NEGR1: variants seen among roughly 807,000 people sequenced by gnomAD.
NEGR1 encodes the protein IgLON family member 4.
Under a neutral mutation model 40.9 loss-of-function variants are expected in NEGR1, and 10 were observed. The observed-to-expected ratio is 0.24, with a 90% CI of 0.15 to 0.42. NEGR1 has a LOEUF of 0.42. Ranked by LOEUF, NEGR1 falls within the 10% of genes least tolerant of loss-of-function variation. The pLI, the probability that NEGR1 is intolerant of heterozygous loss-of-function variation, is 1.00. For missense variants in NEGR1, 352 were observed against 438.9 expected, an observed-to-expected ratio of 0.80 and a Z score of 1.77; for synonymous variants, 185 against 166.8, an observed-to-expected ratio of 1.11 and a Z score of -0.84.
chr1:72,109,189 A>G (rs191220410), intron 1 of NEGR1, among the ~76,000 whole-genome samples: 1 of 151,856 alleles, frequency 6.6e-6, no homozygotes, highest in Admixed American at 6.6e-5. Flanking sequence ...ATAGAAAAGT[A>G]GAGGTGATAT....
intron 1 of NEGR1, among the ~76,000 whole-genome samples, chr1:72,230,757 C>T (rs1006045933): frequency 7.2e-5 from 11 of 152,152 alleles, no homozygotes; most frequent in Non-Finnish European, 2.9e-5. Flanking sequence ...CCATGTCCAA[C>T]ATCCTGTCAA....
chr1:71,811,166 C>T (rs907199674), intron 2 of NEGR1, among the ~76,000 whole-genome samples: 2 of 152,042 alleles, frequency 1.3e-5, no homozygotes, highest in African/African-American at 4.8e-5. Context: ...CTCCTAAATC[C>T]TTCGGGGAAC....
chr1:71,862,123 C>G (rs1484699065), intron 2 of NEGR1, among the ~76,000 whole-genome samples: 1 of 152,028 alleles, frequency 6.6e-6, no homozygotes, highest in East Asian at 1.9e-4. Context: ...GAATAGTAAT[C>G]ATCTTTCTGA....
At chr1:71,711,341 C>CAAAAAAAAA (rs59376519) in intron 3 of NEGR1, among the ~76,000 whole-genome samples, 20 of 58,676 alleles carry the variant, frequency 3.4e-4, no homozygotes, top group East Asian at 9.3e-4. Context: ...GAGATTCCAC[C>CAAAAAAAAA]AAAAAAAAAA....
intron 1 of NEGR1, among the ~76,000 whole-genome samples, chr1:71,943,450 T>G (rs755347119): frequency 6.6e-6 from 1 of 151,834 alleles, no homozygotes; most frequent in Non-Finnish European, 1.5e-5. Flanking sequence ...TTTTAACTCA[T>G]AATTAAACTG....
At chr1:72,168,401 C>A (rs1429518267) in intron 1 of NEGR1, among the ~76,000 whole-genome samples, 1 of 151,674 alleles carries the variant, frequency 6.6e-6, no homozygotes, top group African/African-American at 2.4e-5. Flanking sequence ...TCTTCCTATT[C>A]CTCTTTTGCC....
chr1:72,007,039 C>A (rs914832627), intron 1 of NEGR1, among the ~76,000 whole-genome samples: 1 of 152,040 alleles, frequency 6.6e-6, no homozygotes, highest in South Asian at 2.1e-4. Flanking sequence ...CCATTCCTTC[C>A]AAAAGTCAAA....
chr1:71,874,015 G>A (rs570999432), intron 2 of NEGR1, among the ~76,000 whole-genome samples: 5 of 152,204 alleles, frequency 3.3e-5, no homozygotes, highest in African/African-American at 7.2e-5. Flanking sequence ...AGAGTGCTTC[G>A]ATTTGCTATT....
chr1:71,730,048 G>A (rs1021255158), intron 3 of NEGR1, among the ~76,000 whole-genome samples: 3 of 151,924 alleles, frequency 2.0e-5, no homozygotes, highest in Admixed American at 1.3e-4. Context: ...ATTGAAATAG[G>A]GGATCAGAAA....
chr1:71,696,509 G>C (rs958217272), intron 4 of NEGR1, among the ~76,000 whole-genome samples: 1 of 151,644 alleles, frequency 6.6e-6, no homozygotes, highest in Admixed American at 6.6e-5. Flanking sequence ...AGTGCTCACT[G>C]CTAAAAATAT....
rs199666300 is a variant in NEGR1, at chr1:71,737,346, C to CT, written c.535+38825dup. 5.0e-3 allele frequency among the ~76,000 whole-genome samples: 693 copies of CT among 138,300 alleles called. 3 individuals are homozygous for CT. Among genetic ancestry groups the CT allele is most frequent in the African/African-American group, 8.9e-3 (339 of 38,046 alleles). The allele number at this position is 138,300 out of a possible 152,430, so 90.7% of individuals were successfully genotyped here. A position where few individuals can be genotyped will look rare whatever the true frequency, so the allele number is the denominator to read the frequency against. ...CGTTGGACAGAGGTGAGAAAACAGC[C>CT]TTTTTTTTTTTTTTTCCTTGGGAGG... On this transcript the variant is annotated intron_variant, in intron 3 of 6. Transcript: ENST00000357731.
intron 1 of NEGR1, among the ~76,000 whole-genome samples, chr1:72,144,857 T>A (rs917209630): frequency 3.9e-5 from 6 of 152,092 alleles, no homozygotes; most frequent in African/African-American, 1.4e-4. Context: ...TCTGATTTCC[T>A]TGCAATATCT....
At chr1:71,410,106 T>A (rs1319610692) in intron 6 of NEGR1, among the ~76,000 whole-genome samples, 1 of 152,122 alleles carries the variant, frequency 6.6e-6, no homozygotes, top group East Asian at 1.9e-4. Flanking sequence ...TACTTTACAA[T>A]TAAAATAGCA....
At position 71,760,244 on chromosome 1, in the gene NEGR1, A is replaced by C. The variant is rs922249568; in HGVS notation, c.535+15928T>G. Among the ~76,000 whole-genome samples, 13 of 152,030 alleles carry C rather than the reference A, an allele frequency of 8.6e-5. 1 individual carries two copies. The highest frequency in any genetic ancestry group is 7.2e-4 in the Admixed American group (11 of 15,266). ...ACCTTCCTCGAAGTATTGTGGATTT[A>C]TTTTTATAGTGATTCATCATATCAA... On this transcript the variant is annotated intron_variant, in intron 3 of 6. Transcript: ENST00000357731.
chr1:71,695,762 T>C (rs999673390), intron 4 of NEGR1, among the ~76,000 whole-genome samples: 5 of 151,834 alleles, frequency 3.3e-5, no homozygotes, highest in African/African-American at 1.2e-4. Context: ...TGTTCCTATC[T>C]TTTCAGTCTT....
At chr1:71,508,831 G>A (rs934742980) in intron 6 of NEGR1, among the ~76,000 whole-genome samples, 1 of 152,162 alleles carries the variant, frequency 6.6e-6, no homozygotes, top group Non-Finnish European at 1.5e-5. Flanking sequence ...TTAGAATGCA[G>A]TCCTATACTT....
intron 2 of NEGR1, among the ~76,000 whole-genome samples, chr1:71,865,769 T>C (rs1386364626): frequency 1.3e-5 from 2 of 152,182 alleles, no homozygotes; most frequent in Non-Finnish European, 2.9e-5. Flanking sequence ...TAGAATGCCA[T>C]TGCATTCTAT....
At chr1:71,723,760 T>A (rs892474422) in intron 3 of NEGR1, among the ~76,000 whole-genome samples, 1 of 152,114 alleles carries the variant, frequency 6.6e-6, no homozygotes, top group African/African-American at 2.4e-5. Flanking sequence ...GAGGGGGAAG[T>A]GGGAATCCCC....
intron 2 of NEGR1, among the ~76,000 whole-genome samples, chr1:71,777,739 A>G (rs1320642238): frequency 1.3e-5 from 2 of 152,038 alleles, no homozygotes; most frequent in Non-Finnish European, 2.9e-5. Context: ...TTGACAACCA[A>G]AACTCAGCCT....
Sources: allele counts gnomAD v4.1 joint callset (sites outside exome capture counted in the v4.1 genomes callset), GRCh38; gene constraint gnomAD v4.1.1; transcripts MANE v1.5; gene names NCBI Gene and HGNC (gene_info 2026-07-23, HGNC 2026-07-21).